Variants in SI observed in about 807,000 individuals in gnomAD.
SI encodes the protein sucrase-isomaltase.
Under a neutral mutation model 253.3 loss-of-function variants are expected in SI, and 235 were observed. The ratio of observed to expected loss-of-function variants is 0.93; its 90% CI spans 0.83 to 1.03. SI has a LOEUF of 1.03. Among genes scored for constraint, SI ranks in the 50% least tolerant of loss-of-function variants. SI has a pLI of 0.00. For missense variants in SI, 2,442 were observed against 2,211.1 expected (o/e 1.10, Z -2.09); for synonymous variants, 819 against 712.0 (o/e 1.15, Z -2.39).
intron 37 of SI, among the ~76,000 whole-genome samples, chr3:165,003,421 A>G (rs532971644): frequency 7.2e-5 from 11 of 152,156 alleles, no homozygotes; most frequent in Non-Finnish European, 1.5e-4. Flanking sequence ...ATCAAAAGTA[A>G]CATTTGCCCC....
At chr3:165,085,409 T>C in the SI span, among the ~76,000 whole-genome samples, 35 of 152,278 alleles carry the variant, frequency 2.3e-4, 2 homozygotes, top group South Asian at 7.2e-3. Flanking sequence ...AACTCCTTTT[T>C]GTATTCATCC....
intron 40 of SI, 94 bp from the exon 41 acceptor site, chr3:164,994,499 T>G: frequency 3.2e-6 from 4 of 1,262,690 alleles, no homozygotes; most frequent in Non-Finnish European, 4.6e-6. Flanking sequence ...AAGTAAGACA[T>G]GATATTAATT....
upstream of SI, among the ~76,000 whole-genome samples, chr3:165,079,618 C>T (rs553247320): frequency 2.4e-4 from 36 of 151,712 alleles, no homozygotes; most frequent in Non-Finnish European, 4.6e-4. Context: ...GTGATTTACT[C>T]TCTATTCATA....
intron 2 of SI, among the ~76,000 whole-genome samples, chr3:165,075,596 C>T (rs1240278481): frequency 3.3e-5 from 5 of 151,932 alleles, no homozygotes; most frequent in Non-Finnish European, 7.4e-5. Context: ...ATGCTCACAC[C>T]AGTAGGCGAT....
chr3:165,064,160 G>C (rs1163143108), intron 7 of SI, among the ~76,000 whole-genome samples: 1 of 151,970 alleles, frequency 6.6e-6, no homozygotes, highest in Admixed American at 6.6e-5. Flanking sequence ...TTAGGCCCAT[G>C]TATGCCCAAG....
the SI span, among the ~76,000 whole-genome samples, chr3:165,087,538 T>C: frequency 6.6e-6 from 1 of 152,136 alleles, no homozygotes; most frequent in African/African-American, 2.4e-5. Context: ...CTATAGATAT[T>C]TGAAGCTTAT....
intron 9 of SI, among the ~76,000 whole-genome samples, chr3:165,060,817 C>T (rs1560013220): frequency 1.4e-5 from 2 of 141,102 alleles, no homozygotes; most frequent in East Asian, 2.0e-4. Context: ...ATATACATAT[C>T]ATATATATAT....
At position 165,041,497 on chromosome 3, in the gene SI, A is replaced by T. The variant is rs957334120; in HGVS notation, c.2005-403T>A. Among the ~76,000 whole-genome samples the T allele has an allele frequency of 3.3e-5, 5 of 151,962 alleles. No individual in the cohort carries two copies. In the East Asian group the frequency reaches 9.7e-4, roughly 30 times the overall value. On this transcript the variant is annotated intron_variant, in intron 17 of 47. Transcript: ENST00000264382. ...GATGTGGCGCTCAGTCATGCAAACT[A>T]CTCTGGCCAATAGGATGTTATTATA...
intron 9 of SI, among the ~76,000 whole-genome samples, chr3:165,060,934 T>G (rs1050084251): frequency 6.7e-6 from 1 of 149,402 alleles, no homozygotes; most frequent in African/African-American, 2.4e-5. Context: ...TAGGTAACAA[T>G]CAAAAAGAAA....
chr3:165,078,071 T>C (rs1715117688), intron 1 of SI, among the ~76,000 whole-genome samples: 1 of 151,572 alleles, frequency 6.6e-6, no homozygotes, highest in South Asian at 2.1e-4. Flanking sequence ...CTATTTTATA[T>C]AGATTTTCTT....
the SI span, among the ~76,000 whole-genome samples, chr3:165,086,224 A>C: frequency 1.3e-5 from 2 of 152,158 alleles, no homozygotes; most frequent in Non-Finnish European, 2.9e-5. Context: ...ACTGCACTCC[A>C]GCCTGGAGCA....
intron 3 of SI, among the ~76,000 whole-genome samples, chr3:165,071,168 G>T (rs1309616644): frequency 6.6e-6 from 1 of 151,966 alleles, no homozygotes; most frequent in African/African-American, 2.4e-5. Context: ...ATTCCAAGTA[G>T]ACACGAATTT....
At chr3:165,073,610 A>G (rs750815096) in intron 3 of SI, among the ~76,000 whole-genome samples, 5 of 152,094 alleles carry the variant, frequency 3.3e-5, no homozygotes, top group Non-Finnish European at 7.4e-5. Flanking sequence ...TTGTAATTGC[A>G]TATCATATTT....
chr3:165,071,826 C>T (rs1156230095), intron 3 of SI, among the ~76,000 whole-genome samples: 1 of 152,078 alleles, frequency 6.6e-6, no homozygotes. Context: ...CACTAGAAAC[C>T]AACCTTGATG....
intron 12 of SI, among the ~76,000 whole-genome samples, chr3:165,056,841 T>C (rs535167022): frequency 3.6e-4 from 55 of 152,142 alleles, no homozygotes; most frequent in Middle Eastern, 3.4e-3. Flanking sequence ...TCCCTTAGAA[T>C]ACCCGGAAAA....
intron 26 of SI, 104 bp downstream of exon 26, chr3:165,023,466 C>T (rs1711735389): frequency 1.2e-6 from 1 of 813,050 alleles, no homozygotes; most frequent in Non-Finnish European, 2.0e-6. Context: ...ATTATCAAAT[C>T]TGTTAATAAC....
rs374128454 is a variant in SI at position 165,068,672 on chromosome 3, C to G, written c.483+50G>C. ...ACAGGCGTGAGCCACCGCGCCCAGC[C>G]CATCAAATGTCTTTTAGTATTAAAT... is the stretch of plus-strand genomic sequence containing the variant. On this transcript the variant is annotated intron_variant, in intron 5 of 47. Coordinates refer to ENST00000264382, the MANE Select transcript of SI (RefSeq NM_001041.4). 6 of 1,345,734 alleles carry G rather than the reference C, an allele frequency of 4.5e-6. No homozygotes were observed. The East Asian group carries it at 1.4e-4, about 31-fold the overall frequency. The allele number at this position is 1,345,734 out of a possible 1,614,324, so 83.4% of individuals were successfully genotyped here. A position where few individuals can be genotyped will look rare whatever the true frequency, so the allele number is the denominator to read the frequency against.
chr3:165,054,963 A>G (rs1713623087), intron 13 of SI, among the ~76,000 whole-genome samples: 1 of 152,278 alleles, frequency 6.6e-6, no homozygotes, highest in Admixed American at 6.6e-5. Context: ...TTTATTCTAT[A>G]CAGTGTATTG....
At chr3:165,017,352 G>A (rs907840677) in intron 31 of SI, among the ~76,000 whole-genome samples, 196 bp downstream of exon 31, 6 of 151,848 alleles carry the variant, frequency 4.0e-5, no homozygotes, top group Middle Eastern at 3.2e-3. Flanking sequence ...AAAAGGAAAA[G>A]GAATGGTATT....
Sources: gnomAD v4.1 joint callset for allele counts (sites outside exome capture counted in the v4.1 genomes callset) on GRCh38, gnomAD v4.1.1 for gene constraint, MANE v1.5 for transcripts, NCBI Gene and HGNC (gene_info 2026-07-23, HGNC 2026-07-21) for gene names.